RPS6KA5: variants seen among roughly 807,000 people sequenced by gnomAD.
RPS6KA5 encodes the protein ribosomal protein S6 kinase alpha-5.
In RPS6KA5, 27 loss-of-function variants were observed where a neutral mutation model predicts 85.5. The observed-to-expected ratio is 0.32, with a 90% CI of 0.23 to 0.44. RPS6KA5 has a LOEUF of 0.44. Ranked by LOEUF, RPS6KA5 falls within the 20% of genes least tolerant of loss-of-function variation. The probability of loss-of-function intolerance (pLI) is 1.00; values close to 1 mark genes in which losing one functional copy is unlikely to be tolerated. For synonymous variants in RPS6KA5, 334 were observed against 348.2 expected (o/e 0.96, Z 0.46); for missense variants, 811 against 980.9 (o/e 0.83, Z 2.31).
At chr14:90,929,260 A>G (rs938742110) in intron 5 of RPS6KA5, among the ~76,000 whole-genome samples, 2 of 152,074 alleles carry the variant, frequency 1.3e-5, no homozygotes, top group Admixed American at 1.3e-4. Flanking sequence ...GCCAAACCTA[A>G]ACAAAATAAC....
At chr14:90,989,636 C>A (rs1595414453) in intron 2 of RPS6KA5, among the ~76,000 whole-genome samples, 2 of 151,860 alleles carry the variant, frequency 1.3e-5, no homozygotes, top group Non-Finnish European at 2.9e-5. Context: ...TCAAAGAAGG[C>A]AAAATGGTCA....
At chr14:90,951,987 C>G (rs2038214293) in intron 3 of RPS6KA5, among the ~76,000 whole-genome samples, 1 of 151,946 alleles carries the variant, frequency 6.6e-6, no homozygotes, top group Non-Finnish European at 1.5e-5. Flanking sequence ...ATGCCAATAC[C>G]CCTTTATGGG....
chr14:90,986,142 C>G (rs976359080), intron 2 of RPS6KA5, among the ~76,000 whole-genome samples: 11 of 151,586 alleles, frequency 7.3e-5, no homozygotes, highest in African/African-American at 2.4e-4. Context: ...CATTCAGAGT[C>G]CTGTGCTTAC....
chr14:90,916,760 A>G (rs1284291503), intron 7 of RPS6KA5, among the ~76,000 whole-genome samples: 1 of 152,182 alleles, frequency 6.6e-6, no homozygotes, highest in Non-Finnish European at 1.5e-5. Flanking sequence ...GATTAAAGGG[A>G]AGGAATCCTA....
rs138494702 is a variant in RPS6KA5, at chr14:90,890,049, T to C, written c.1836+438A>G. Reference sequence around the variant, plus strand: ...GCTCACATTACTTTAAGTTACGTAGTAGAAATATTTCTAATTTCATCTATT... The same window carrying C: ...GCTCACATTACTTTAAGTTACGTAGCAGAAATATTTCTAATTTCATCTATT... On this transcript the variant is annotated intron_variant, in intron 14 of 16. Coordinates refer to ENST00000614987, the MANE Select transcript of RPS6KA5 (RefSeq NM_004755.4). Among the ~76,000 whole-genome samples the C allele has an allele frequency of 1.9e-3, 287 of 152,356 alleles. 2 individuals are homozygous for C. Among genetic ancestry groups the C allele is most frequent in the African/African-American group, 6.6e-3 (273 of 41,594 alleles).
intron 6 of RPS6KA5, among the ~76,000 whole-genome samples, chr14:90,920,782 A>G (rs747762788): frequency 2.6e-5 from 4 of 151,976 alleles, no homozygotes; most frequent in Non-Finnish European, 5.9e-5. Flanking sequence ...CAGAGTCTTC[A>G]CTGATGGGAA....
intron 5 of RPS6KA5, among the ~76,000 whole-genome samples, chr14:90,938,727 C>T (rs997832155): frequency 2.0e-5 from 3 of 152,202 alleles, no homozygotes; most frequent in Non-Finnish European, 4.4e-5. Flanking sequence ...TCCTTTTAGT[C>T]ATGGCTGTAG....
At position 90,856,404 on chromosome 14, in the gene RPS6KA5, C is replaced by T. The variant is rs2032287437; in HGVS notation, c.*15670G>A. 1 of 138,684 alleles carries T rather than the reference C, an allele frequency of 7.2e-6. No homozygotes were observed. The highest frequency in any genetic ancestry group is 2.8e-5 in the African/African-American group (1 of 36,150). The allele number at this position is 138,684 out of a possible 1,614,324, so 8.6% of individuals were successfully genotyped here. On this transcript the variant is annotated 3_prime_UTR_variant, in exon 17 of 17. Transcript: ENST00000614987. ...TTGAGACGGAGTTTCACTCTTGTTG[C>T]CCAGGCTGGAGTGCAATGGTGCGAT...
intron 1 of RPS6KA5, among the ~76,000 whole-genome samples, chr14:91,019,844 C>T (rs1382699946): frequency 1.3e-5 from 2 of 152,146 alleles, no homozygotes; most frequent in African/African-American, 4.8e-5. Context: ...TCATGCATCA[C>T]TTAACAATGG....
intron 4 of RPS6KA5, among the ~76,000 whole-genome samples, chr14:90,943,572 C>T (rs944937764): frequency 1.4e-4 from 21 of 152,186 alleles, no homozygotes; most frequent in Admixed American, 1.2e-3. Flanking sequence ...TCCTGACTAA[C>T]CAGATCCCCT....
intron 7 of RPS6KA5, among the ~76,000 whole-genome samples, chr14:90,907,177 A>G (rs940669779): frequency 2.6e-5 from 4 of 152,246 alleles, no homozygotes; most frequent in Non-Finnish European, 5.9e-5. Flanking sequence ...CAGTTACTCC[A>G]TTAATTGGGT....
chr14:90,940,082 G>A (rs2037487770), intron 5 of RPS6KA5, among the ~76,000 whole-genome samples: 1 of 152,158 alleles, frequency 6.6e-6, no homozygotes, highest in African/African-American at 2.4e-5. Context: ...CTCAGCAAAG[G>A]AAAATTCCTA....
At chr14:90,943,475 T>C (rs2037701155) in intron 4 of RPS6KA5, among the ~76,000 whole-genome samples, 1 of 152,172 alleles carries the variant, frequency 6.6e-6, no homozygotes. Context: ...GTCTCTATTC[T>C]TCCTAGTTCA....
At chr14:90,968,871 A>G (rs1384521508) in intron 3 of RPS6KA5, among the ~76,000 whole-genome samples, 1 of 152,252 alleles carries the variant, frequency 6.6e-6, no homozygotes, top group African/African-American at 2.4e-5. Flanking sequence ...TTAATAACCA[A>G]AACAATCTTT....
intron 1 of RPS6KA5, among the ~76,000 whole-genome samples, chr14:91,044,273 GAAAGAA>G (rs796527736): frequency 3.8e-4 from 7 of 18,538 alleles, no homozygotes; most frequent in African/African-American, 5.8e-4. Context: ...GAGAGAGAGA[GAAAGAA>G]AGAGAGAGAG....
At position 90,917,869 on chromosome 14, in the gene RPS6KA5, T is replaced by C. The variant is rs1159219004; in HGVS notation, c.806+2337A>G. On this transcript the variant is annotated intron_variant, in intron 7 of 16. Coordinates refer to ENST00000614987, the MANE Select transcript of RPS6KA5 (RefSeq NM_004755.4). The stretch of plus-strand genomic sequence containing the variant: ...ACTACTGCACATGTCTTAGATAAAT[T>C]CCTTTTCATTGCTAAGGAGTATTCC... Among the ~76,000 whole-genome samples, 4 of 152,174 alleles carry C rather than the reference T, an allele frequency of 2.6e-5. No homozygotes were observed. The East Asian group carries it at 7.7e-4, about 29-fold the overall frequency.
chr14:90,936,830 G>A (rs760203051), intron 5 of RPS6KA5, among the ~76,000 whole-genome samples: 1 of 152,046 alleles, frequency 6.6e-6, no homozygotes, highest in Non-Finnish European at 1.5e-5. Context: ...GACCAAATGA[G>A]GCCAGAATTT....
At chr14:91,035,929 G>A (rs1240229414) in intron 1 of RPS6KA5, among the ~76,000 whole-genome samples, 1 of 126,516 alleles carries the variant, frequency 7.9e-6, no homozygotes, top group Non-Finnish European at 1.6e-5. Flanking sequence ...ACTGAATTAG[G>A]TATCTTCAAG....
chr14:90,969,579 T>C (rs567769929), intron 3 of RPS6KA5, among the ~76,000 whole-genome samples: 1 of 152,376 alleles, frequency 6.6e-6, no homozygotes, highest in African/African-American at 2.4e-5. Context: ...TGCAATTGCA[T>C]GGAAGTCAGC....
Sources: gnomAD v4.1 joint callset for allele counts (sites outside exome capture counted in the v4.1 genomes callset) on GRCh38, gnomAD v4.1.1 for gene constraint, MANE v1.5 for transcripts, NCBI Gene and HGNC (gene_info 2026-07-23, HGNC 2026-07-21) for gene names.